The following RPS6KA5 variants were observed in gnomAD, a reference collection of about 807,000 sequenced individuals.
RPS6KA5 encodes ribosomal protein S6 kinase A5.
Under a neutral mutation model 85.5 loss-of-function variants are expected in RPS6KA5, and 27 were observed. That is an observed-to-expected ratio of 0.32 (90% CI 0.23 to 0.44). The LOEUF (loss-of-function observed/expected upper bound fraction) is 0.44, where lower values mean the gene tolerates loss of function less well. Among genes scored for constraint, RPS6KA5 ranks in the 20% least tolerant of loss-of-function variants. The probability of loss-of-function intolerance (pLI) is 1.00; values close to 1 mark genes in which losing one functional copy is unlikely to be tolerated. For missense variants in RPS6KA5, 811 were observed against 980.9 expected (o/e 0.83, Z 2.31); for synonymous variants, 334 against 348.2 (o/e 0.96, Z 0.46).
At position 90,933,085 on chromosome 14, in the gene RPS6KA5, A is replaced by G. The variant is rs2037072769; in HGVS notation, c.619-9889T>C. ...TCTTTCCTAAGGTTAAAACTGAGCC[A>G]ATCAATGCTCAATCTTCAGTCCCCA... is the stretch of plus-strand genomic sequence containing the variant. On this transcript the variant is annotated intron_variant, in intron 5 of 16. Coordinates refer to ENST00000614987, the MANE Select transcript of RPS6KA5 (RefSeq NM_004755.4). Among the ~76,000 whole-genome samples the G allele has an allele frequency of 2.6e-5, 4 of 152,252 alleles. No homozygotes were observed. The South Asian group carries it at 8.3e-4, about 31-fold the overall frequency.
chr14:90,890,763 T>G (rs1247502766), intron 13 of RPS6KA5, 85 bp from the exon 14 acceptor site: 19 of 1,234,148 alleles, frequency 1.5e-5, no homozygotes, highest in Non-Finnish European at 1.6e-5. Context: ...CTTTGTATAT[T>G]GATAGTTGAT....
At chr14:90,998,883 G>C (rs966125379) in intron 2 of RPS6KA5, among the ~76,000 whole-genome samples, 4 of 152,206 alleles carry the variant, frequency 2.6e-5, no homozygotes, top group Non-Finnish European at 4.4e-5. Flanking sequence ...CAGGGCCGTA[G>C]ACATGAAGGC....
intron 3 of RPS6KA5, among the ~76,000 whole-genome samples, chr14:90,965,820 G>A (rs556302203): frequency 2.0e-5 from 3 of 152,154 alleles, no homozygotes; most frequent in Non-Finnish European, 4.4e-5. Flanking sequence ...CAGATTCTAG[G>A]TTAGTAAGGG....
At chr14:90,879,781 ATT>A (rs10609342) in intron 14 of RPS6KA5, among the ~76,000 whole-genome samples, 44,702 of 128,858 alleles carry the variant, frequency 0.35, 6,941 homozygotes, top group African/African-American at 0.48. Flanking sequence ...TCCACTCCTA[ATT>A]TTTTTTTTTT....
At chr14:90,896,906 A>G (rs1207106184) in intron 12 of RPS6KA5, among the ~76,000 whole-genome samples, 1 of 152,092 alleles carries the variant, frequency 6.6e-6, no homozygotes, top group East Asian at 1.9e-4. Context: ...ATTTTTTGGT[A>G]GAGATAGGGT....
At chr14:90,994,530 C>T (rs2040432548) in intron 2 of RPS6KA5, among the ~76,000 whole-genome samples, 1 of 147,276 alleles carries the variant, frequency 6.8e-6, no homozygotes. Flanking sequence ...ACTTCTTTCA[C>T]TCATAGTGCT....
intron 3 of RPS6KA5, among the ~76,000 whole-genome samples, chr14:90,974,158 A>C (rs1332039706): frequency 3.9e-5 from 6 of 152,196 alleles, no homozygotes; most frequent in African/African-American, 1.4e-4. Flanking sequence ...CTAATCTTAG[A>C]ATCACTAATT....
chr14:91,003,496 G>A (rs796402665), intron 1 of RPS6KA5, among the ~76,000 whole-genome samples: 22 of 152,242 alleles, frequency 1.4e-4, no homozygotes, highest in African/African-American at 5.3e-4. Flanking sequence ...TTTTGTTTCT[G>A]ACATAAATTA....
chr14:91,024,277 C>T (rs1381816502), intron 1 of RPS6KA5, among the ~76,000 whole-genome samples: 2 of 151,728 alleles, frequency 1.3e-5, no homozygotes, highest in East Asian at 1.9e-4. Flanking sequence ...TTTTCTTGTC[C>T]ATTTCTTTCT....
chr14:90,943,587 TTTC>T (rs1231953018), intron 4 of RPS6KA5, among the ~76,000 whole-genome samples: 2 of 152,194 alleles, frequency 1.3e-5, no homozygotes, highest in Non-Finnish European at 2.9e-5. Context: ...TCCCCTGTCA[TTTC>T]CTTGTTTTTC....
At chr14:91,046,308 C>T (rs1198032604) in intron 1 of RPS6KA5, among the ~76,000 whole-genome samples, 2 of 152,118 alleles carry the variant, frequency 1.3e-5, no homozygotes, top group African/African-American at 4.8e-5. Flanking sequence ...TTTTGCCCAA[C>T]TTATACAAGA....
At chr14:90,876,050 TA>T (rs60142741) in intron 14 of RPS6KA5, among the ~76,000 whole-genome samples, 12,584 of 146,574 alleles carry the variant, frequency 0.086, 662 homozygotes, top group East Asian at 0.25. Flanking sequence ...CTTAAAGTAT[TA>T]AAAAAAAAAA....
At position 90,949,100 on chromosome 14, in the gene RPS6KA5, A is replaced by G. The variant is rs1595303439; in HGVS notation, c.395-1550T>C. On this transcript the variant is annotated intron_variant, in intron 3 of 16. Transcript: ENST00000614987. The stretch of plus-strand genomic sequence containing the variant: ...TTTAATTATACCTGAACACAAAGCT[A>G]ATTATTAAAAAGGTGTAAAGGAACA... Among the ~76,000 whole-genome samples, 3 of 152,340 alleles carry G rather than the reference A, an allele frequency of 2.0e-5. 1 individual carries two copies. In the South Asian group the frequency reaches 6.2e-4, roughly 32 times the overall value.
chr14:90,894,229 A>C, intron 13 of RPS6KA5, 184 bp downstream of exon 13: 1 of 1,234,654 alleles, frequency 8.1e-7, no homozygotes, highest in Non-Finnish European at 1.0e-6. Flanking sequence ...ATAAACAAAG[A>C]CAAATTTATT....
intron 3 of RPS6KA5, among the ~76,000 whole-genome samples, chr14:90,950,486 A>G (rs571012909): frequency 6.6e-6 from 1 of 152,232 alleles, no homozygotes; most frequent in Non-Finnish European, 1.5e-5. Context: ...GGGGGAAAGC[A>G]TTCAGTCTTT....
chr14:90,994,235 T>C (rs1474593468), intron 2 of RPS6KA5, among the ~76,000 whole-genome samples: 1 of 152,158 alleles, frequency 6.6e-6, no homozygotes, highest in Non-Finnish European at 1.5e-5. Flanking sequence ...TTCTATATTC[T>C]GCATATTTTC....
chr14:90,931,727 A>G (rs553282947), intron 5 of RPS6KA5, among the ~76,000 whole-genome samples: 39 of 152,350 alleles, frequency 2.6e-4, no homozygotes, highest in African/African-American at 9.4e-4. Context: ...CAACAAATCA[A>G]TAACATCAGG....
chr14:91,008,929 G>A (rs1207332844), intron 1 of RPS6KA5, among the ~76,000 whole-genome samples: 2 of 152,204 alleles, frequency 1.3e-5, no homozygotes, highest in Admixed American at 1.3e-4. Flanking sequence ...GTACTAATGA[G>A]GGTCTGGTCT....
intron 1 of RPS6KA5, among the ~76,000 whole-genome samples, chr14:91,023,082 T>TAA (rs368649949): frequency 0.031 from 3,020 of 96,382 alleles, 91 homozygotes; most frequent in African/African-American, 0.064. Context: ...AAACTCTATC[T>TAA]AAAAAAAAAA....
Sources: gnomAD v4.1 joint callset for allele counts (sites outside exome capture counted in the v4.1 genomes callset) on GRCh38, gnomAD v4.1.1 for gene constraint, MANE v1.5 for transcripts, NCBI Gene and HGNC (gene_info 2026-07-23, HGNC 2026-07-21) for gene names.